NELL1: variants seen among roughly 807,000 people sequenced by gnomAD.
NELL1 encodes the protein protein kinase C-binding protein NELL1.
In NELL1, 76 loss-of-function variants were observed where a neutral mutation model predicts 107.4. The ratio of observed to expected loss-of-function variants is 0.71; its 90% CI spans 0.59 to 0.86. NELL1 has a LOEUF of 0.86. Ranked by LOEUF, NELL1 falls within the 40% of genes least tolerant of loss-of-function variation. The pLI, the probability that NELL1 is intolerant of heterozygous loss-of-function variation, is 0.00. For missense variants in NELL1, 1,024 were observed against 1,005.5 expected (o/e 1.02, Z -0.25); for synonymous variants, 353 against 341.2 (o/e 1.03, Z -0.38).
intron 14 of NELL1, among the ~76,000 whole-genome samples, chr11:21,356,379 T>C (rs1850933616): frequency 6.6e-6 from 1 of 152,116 alleles, no homozygotes; most frequent in Non-Finnish European, 1.5e-5. Flanking sequence ...AGCTAGATAA[T>C]TCTTTGTTGC....
At chr11:21,122,940 G>T (rs1855402517) in intron 13 of NELL1, among the ~76,000 whole-genome samples, 1 of 152,132 alleles carries the variant, frequency 6.6e-6, no homozygotes. Context: ...CAGTGGAACA[G>T]ATTCTTTCTA....
Position 21,113,864 on chromosome 11 carries a change from G to A in NELL1, c.1426+150G>A, listed in dbSNP as rs926700240. 4 of 793,744 alleles carry A rather than the reference G, an allele frequency of 5.0e-6. No individual in the cohort carries two copies. In the African/African-American group the frequency reaches 5.4e-5, roughly 11 times the overall value. 49.2% of individuals were successfully genotyped at this position (793,744 alleles called of 1,614,324 possible). ...CTTCACCCCACCTTTTGAGAAAAAA[G>A]CAATAATAAATAAATTATCTGCATA... On this transcript the variant is annotated intron_variant, in intron 13 of 19. Transcript: ENST00000357134.
At position 20,968,802 on chromosome 11, in the gene NELL1, C is replaced by A. The variant is rs529761678; in HGVS notation, c.1300+8242C>A. On this transcript the variant is annotated intron_variant, in intron 12 of 19. Transcript: ENST00000357134. ...GTGGTCCTAGCATGGGCAGTATGTGCCTCTCAAGGTCACCAGGGAAGGGGA... is the reference window on the plus strand; with the variant it reads ...GTGGTCCTAGCATGGGCAGTATGTGACTCTCAAGGTCACCAGGGAAGGGGA... 1.5e-3 allele frequency among the ~76,000 whole-genome samples: 228 copies of A among 152,218 alleles called. 1 individual carries two copies. Among genetic ancestry groups the A allele is most frequent in the African/African-American group, 5.1e-3 (210 of 41,538 alleles).
At chr11:20,910,524 TGG>T (rs1287918999) in intron 5 of NELL1, among the ~76,000 whole-genome samples, 1 of 152,224 alleles carries the variant, frequency 6.6e-6, no homozygotes, top group Non-Finnish European at 1.5e-5. Context: ...GCTGGCTTCA[TGG>T]GCCATCAACC....
At chr11:20,951,133 G>A (rs1851060975) in intron 11 of NELL1, among the ~76,000 whole-genome samples, 1 of 152,184 alleles carries the variant, frequency 6.6e-6, no homozygotes, top group Non-Finnish European at 1.5e-5. Context: ...AACTTCCAGA[G>A]AGTGGATTTT....
intron 17 of NELL1, among the ~76,000 whole-genome samples, chr11:21,565,516 C>T (rs990467297): frequency 4.0e-5 from 6 of 151,814 alleles, no homozygotes; most frequent in Non-Finnish European, 7.4e-5. Context: ...GGGTGGGGTG[C>T]AAGAATTTGC....
At chr11:21,564,980 A>C (rs529177217) in intron 17 of NELL1, among the ~76,000 whole-genome samples, 1 of 151,934 alleles carries the variant, frequency 6.6e-6, no homozygotes, top group Non-Finnish European at 1.5e-5. Flanking sequence ...AGCAGTCAGC[A>C]TACTGGTTCT....
intron 14 of NELL1, among the ~76,000 whole-genome samples, chr11:21,243,157 CA>C (rs888698601): frequency 6.6e-6 from 1 of 151,918 alleles, no homozygotes; most frequent in Non-Finnish European, 1.5e-5. Context: ...AGGGATATGG[CA>C]AAAAATCAAG....
chr11:21,391,122 G>A (rs967574863), intron 15 of NELL1, among the ~76,000 whole-genome samples: 1 of 151,774 alleles, frequency 6.6e-6, no homozygotes, highest in African/African-American at 2.4e-5. Flanking sequence ...TTAATTGATA[G>A]TTTGAACGGG....
At chr11:21,233,426 T>C (rs1048104771) in intron 14 of NELL1, among the ~76,000 whole-genome samples, 2 of 152,186 alleles carry the variant, frequency 1.3e-5, no homozygotes, top group Non-Finnish European at 2.9e-5. Context: ...TTCCTTCTCT[T>C]TTTATTTCCT....
intron 14 of NELL1, among the ~76,000 whole-genome samples, chr11:21,279,913 A>G (rs1285369077): frequency 6.6e-6 from 1 of 152,254 alleles, no homozygotes; most frequent in Non-Finnish European, 1.5e-5. Context: ...AGCCATGAAA[A>G]GAAACGGAGG....
At chr11:21,438,251 A>T (rs1230506533) in intron 15 of NELL1, among the ~76,000 whole-genome samples, 2 of 135,198 alleles carry the variant, frequency 1.5e-5, no homozygotes, top group Non-Finnish European at 3.1e-5. Flanking sequence ...CAGTATTCTT[A>T]CATGACAGTT....
At chr11:21,404,018 C>A (rs1164688561) in intron 15 of NELL1, among the ~76,000 whole-genome samples, 3 of 109,816 alleles carry the variant, frequency 2.7e-5, no homozygotes, top group Non-Finnish European at 5.7e-5. Context: ...CCCCCCCCCG[C>A]AATCAAAACC....
intron 15 of NELL1, among the ~76,000 whole-genome samples, chr11:21,433,128 C>G (rs1590928469): frequency 6.6e-6 from 1 of 152,242 alleles, no homozygotes; most frequent in East Asian, 1.9e-4. Context: ...CTTTCCATAC[C>G]TGACTTATCT....
At chr11:21,292,471 A>G (rs1421724246) in intron 14 of NELL1, among the ~76,000 whole-genome samples, 1 of 152,180 alleles carries the variant, frequency 6.6e-6, no homozygotes, top group African/African-American at 2.4e-5. Context: ...CATGGATAGG[A>G]AGAATCAGTA....
Position 21,492,144 on chromosome 11 carries a change from A to C in NELL1, c.1646-42230A>C, listed in dbSNP as rs1854837990. Among the ~76,000 whole-genome samples, 2 of 152,220 alleles carry C rather than the reference A, an allele frequency of 1.3e-5. 1 individual carries two copies. The highest frequency in any genetic ancestry group is 4.1e-4 in the South Asian group (2 of 4,830). On this transcript the variant is annotated intron_variant, in intron 15 of 19. Transcript: ENST00000357134. The stretch of plus-strand genomic sequence containing the variant: ...ATGCAACCAAAAAACACATGAAAAA[A>C]TGCTCACCATCACTGGCCATCAGAG...
At chr11:21,254,914 T>A (rs1298432806) in intron 14 of NELL1, among the ~76,000 whole-genome samples, 1 of 152,062 alleles carries the variant, frequency 6.6e-6, no homozygotes, top group Admixed American at 6.6e-5. Flanking sequence ...CTTCAAACAC[T>A]CATTGAATTG....
At chr11:20,745,176 C>G (rs1855976405) in intron 2 of NELL1, among the ~76,000 whole-genome samples, 1 of 152,092 alleles carries the variant, frequency 6.6e-6, no homozygotes, top group South Asian at 2.1e-4. Context: ...CAGAAGTGTT[C>G]CAGTGCCTGG....
intron 14 of NELL1, among the ~76,000 whole-genome samples, chr11:21,312,752 G>A (rs1454847047): frequency 6.6e-6 from 1 of 152,070 alleles, no homozygotes; most frequent in Non-Finnish European, 1.5e-5. Context: ...TGAAAATATG[G>A]ATAAGTGAAA....
Sources: gnomAD v4.1 joint callset for allele counts (sites outside exome capture counted in the v4.1 genomes callset) on GRCh38, gnomAD v4.1.1 for gene constraint, MANE v1.5 for transcripts, NCBI Gene and HGNC (gene_info 2026-07-23, HGNC 2026-07-21) for gene names.